VDAC1: variants seen among roughly 807,000 people sequenced by gnomAD.
VDAC1 encodes voltage dependent anion channel 1, also known as non-selective voltage-gated ion channel VDAC1.
A neutral mutation model predicts 34.7 loss-of-function variants in VDAC1; 10 were observed. The ratio of observed to expected loss-of-function variants is 0.29; its 90% CI spans 0.18 to 0.49. The LOEUF (loss-of-function observed/expected upper bound fraction) is 0.49, where lower values mean the gene tolerates loss of function less well. Among genes scored for constraint, VDAC1 ranks in the 20% least tolerant of loss-of-function variants. The pLI, the probability that VDAC1 is intolerant of heterozygous loss-of-function variation, is 0.99. For missense variants in VDAC1, 230 were observed against 347.9 expected, an observed-to-expected ratio of 0.66 and a Z score of 2.69; for synonymous variants, 130 against 136.0, an observed-to-expected ratio of 0.96 and a Z score of 0.30.
intron 1 of VDAC1, among the ~76,000 whole-genome samples, chr5:133,994,955 A>T (rs1753240942): frequency 6.6e-6 from 1 of 152,124 alleles, no homozygotes; most frequent in African/African-American, 2.4e-5. Context: ...GACCCCACAG[A>T]AGAGACGCCT....
chr5:134,046,058 CT>C, the VDAC1 span, among the ~76,000 whole-genome samples: 1 of 150,298 alleles, frequency 6.7e-6, no homozygotes, highest in Non-Finnish European at 1.5e-5. Context: ...TGGAGTCTCA[CT>C]CTGTCACCCA....
chr5:133,985,123 A>AC (rs1279564603), intron 5 of VDAC1, among the ~76,000 whole-genome samples: 2 of 152,130 alleles, frequency 1.3e-5, no homozygotes, highest in East Asian at 3.8e-4. Context: ...GCTGCTTGAG[A>AC]CATCGCTTCT....
At chr5:134,082,256 T>A in the VDAC1 span, among the ~76,000 whole-genome samples, 1 of 152,218 alleles carries the variant, frequency 6.6e-6, no homozygotes, top group Non-Finnish European at 1.5e-5. Context: ...CAACCACTGA[T>A]CTGCTTTCTG....
the VDAC1 span, among the ~76,000 whole-genome samples, chr5:134,101,976 G>A: frequency 2.6e-5 from 4 of 152,370 alleles, no homozygotes; most frequent in South Asian, 2.1e-4. Flanking sequence ...GAGTCCAGGC[G>A]AGAACGCTGT....
At chr5:134,043,852 T>C in the VDAC1 span, among the ~76,000 whole-genome samples, 1 of 152,242 alleles carries the variant, frequency 6.6e-6, no homozygotes, top group East Asian at 1.9e-4. Context: ...TTTTATCCAG[T>C]GCCTGCATTT....
Position 133,975,750 on chromosome 5 carries a change from C to T in VDAC1, c.702+121G>A, listed in dbSNP as rs1407331571. 3.9e-5 allele frequency: 57 copies of T among 1,465,782 alleles called. No individual in the cohort carries two copies. In the East Asian group the frequency reaches 9.4e-4, roughly 24 times the overall value. The allele number at this position is 1,465,782 out of a possible 1,614,324, so 90.8% of individuals were successfully genotyped here. On this transcript the variant is annotated intron_variant, in intron 7 of 8. Coordinates refer to ENST00000265333, the MANE Select transcript of VDAC1 (RefSeq NM_003374.3). ...CAGGGATTACAGGCGTGAGTCACGG[C>T]GCCCAGCAGCATCTCTCACTTTGAG...
the VDAC1 span, among the ~76,000 whole-genome samples, chr5:134,111,196 A>G: frequency 6.6e-6 from 1 of 152,196 alleles, no homozygotes; most frequent in African/African-American, 2.4e-5. Flanking sequence ...AGAGATGGAA[A>G]CTTAAGACTG....
the VDAC1 span, among the ~76,000 whole-genome samples, chr5:134,058,254 G>T: frequency 6.6e-6 from 1 of 152,020 alleles, no homozygotes; most frequent in Non-Finnish European, 1.5e-5. Flanking sequence ...CTGAGTGAGT[G>T]GCCAGCGGAC....
the VDAC1 span, among the ~76,000 whole-genome samples, chr5:134,045,848 C>CTG: frequency 1.3e-5 from 2 of 151,884 alleles, no homozygotes; most frequent in Non-Finnish European, 2.9e-5. Context: ...CCACGCCTGG[C>CTG]TAATTTTCAT....
At chr5:133,982,511 CAAA>C (rs147731334) in intron 5 of VDAC1, among the ~76,000 whole-genome samples, 4 of 81,296 alleles carry the variant, frequency 4.9e-5, no homozygotes, top group African/African-American at 4.7e-5. Flanking sequence ...GACTCCGTCT[CAAA>C]AAAAAAAAAA....
chr5:133,990,966 A>T lies in VDAC1; in HGVS notation c.270+36T>A, dbSNP rs750387416. ...TCACAAGGCAGGCTGGCAGATGCGA[A>T]TTAATAAATCCACATCTTTTCACAG... is the stretch of plus-strand genomic sequence containing the variant. On this transcript the variant is annotated intron_variant, in intron 4 of 8. Coordinates refer to ENST00000265333, the MANE Select transcript of VDAC1 (RefSeq NM_003374.3). 1.2e-5 allele frequency: 20 copies of T among 1,608,384 alleles called. No homozygotes were observed. In the South Asian group the frequency reaches 2.0e-4, roughly 16 times the overall value.
the VDAC1 span, among the ~76,000 whole-genome samples, chr5:134,047,752 T>C: frequency 0.51 from 77,809 of 152,052 alleles, 21,521 homozygotes; most frequent in Non-Finnish European, 0.62. Flanking sequence ...GCAAAACAAA[T>C]CTGCACATGG....
chr5:134,025,136 G>T, the VDAC1 span, among the ~76,000 whole-genome samples: 1 of 152,198 alleles, frequency 6.6e-6, no homozygotes, highest in Non-Finnish European at 1.5e-5. Flanking sequence ...TCTTTAATTG[G>T]CTCACAGTCT....
chr5:134,004,217 C>A (rs1033102031), intron 1 of VDAC1, among the ~76,000 whole-genome samples: 2 of 152,018 alleles, frequency 1.3e-5, no homozygotes, highest in African/African-American at 4.8e-5. Context: ...CCGGCACCCG[C>A]CCGCTGGCCT....
the VDAC1 span, among the ~76,000 whole-genome samples, chr5:134,071,871 C>T: frequency 1.3e-5 from 2 of 152,118 alleles, no homozygotes; most frequent in South Asian, 4.1e-4. The surrounding 1 kb of genome is among the most constrained non-coding windows in gnomAD (Gnocchi z 4.1). Context: ...CTCCACCCCT[C>T]CTGCTTGGGA....
chr5:134,075,952 ACACTCT>A, the VDAC1 span, among the ~76,000 whole-genome samples: 1 of 151,612 alleles, frequency 6.6e-6, no homozygotes, highest in Non-Finnish European at 1.5e-5. Context: ...TGAGCTTGCA[ACACTCT>A]CTCTCAAACC....
the VDAC1 span, among the ~76,000 whole-genome samples, chr5:134,061,799 A>G: frequency 6.6e-6 from 1 of 151,808 alleles, no homozygotes; most frequent in African/African-American, 2.4e-5. Context: ...CATCTAGCAC[A>G]ATGTTGAGTG....
At chr5:134,064,436 C>T in the VDAC1 span, among the ~76,000 whole-genome samples, 3 of 152,052 alleles carry the variant, frequency 2.0e-5, no homozygotes, top group Non-Finnish European at 4.4e-5. Flanking sequence ...TCCCGAGTAG[C>T]TGGGATTACA....
chr5:133,973,758 A>G (rs1041559905), intron 8 of VDAC1, 33 bp downstream of exon 8: 3 of 1,598,770 alleles, frequency 1.9e-6, no homozygotes, highest in African/African-American at 2.7e-5. Context: ...TTTTTAAGAT[A>G]AAGAACCGAT....
Sources: gnomAD v4.1 joint callset for allele counts (sites outside exome capture counted in the v4.1 genomes callset) on GRCh38, gnomAD v4.1.1 for gene constraint, Gnocchi (gnomAD v3.1) non-coding constraint, MANE v1.5 for transcripts, NCBI Gene and HGNC (gene_info 2026-07-23, HGNC 2026-07-21) for gene names.